The following CSMD1 variants were observed in gnomAD, a reference collection of about 807,000 sequenced individuals.
The protein encoded by CSMD1 is CUB and Sushi multiple domains 1, also known as CUB and sushi domain-containing protein 1.
A neutral mutation model predicts 417.5 loss-of-function variants in CSMD1; 213 were observed. The ratio of observed to expected loss-of-function variants is 0.51; its 90% CI spans 0.46 to 0.57. The LOEUF is 0.57. Ranked by LOEUF, CSMD1 falls within the 20% of genes least tolerant of loss-of-function variation. CSMD1 has a pLI of 0.00. For synonymous variants in CSMD1, 2,862 were observed against 1,736.8 expected, an observed-to-expected ratio of 1.65 and a Z score of -16.11; for missense variants, 6,923 against 4,529.7, an observed-to-expected ratio of 1.53 and a Z score of -15.17.
At chr8:3,315,846 G>T (rs1805717622) in intron 23 of CSMD1, among the ~76,000 whole-genome samples, 1 of 152,246 alleles carries the variant, frequency 6.6e-6, no homozygotes, top group South Asian at 2.1e-4. Flanking sequence ...TCATACCTAA[G>T]AATTTAATGA....
chr8:4,040,673 G>C (rs570754343), intron 3 of CSMD1, among the ~76,000 whole-genome samples: 1 of 152,082 alleles, frequency 6.6e-6, no homozygotes, highest in African/African-American at 2.4e-5. Flanking sequence ...TAAAAAACAT[G>C]TTTCAAGCTC....
chr8:4,024,220 G>C (rs2688275), intron 4 of CSMD1, among the ~76,000 whole-genome samples: 1 of 152,000 alleles, frequency 6.6e-6, no homozygotes, highest in East Asian at 1.9e-4. Flanking sequence ...GGAAACAGAA[G>C]TGATGTAACA....
At chr8:3,228,871 G>C (rs144025354) in intron 27 of CSMD1, among the ~76,000 whole-genome samples, 9 of 151,812 alleles carry the variant, frequency 5.9e-5, no homozygotes, top group Middle Eastern at 3.4e-3. Flanking sequence ...CTTTAAAAAA[G>C]AAACACGCCG....
chr8:2,982,227 G>A (rs1563204061), intron 54 of CSMD1, among the ~76,000 whole-genome samples: 1 of 152,034 alleles, frequency 6.6e-6, no homozygotes, highest in Non-Finnish European at 1.5e-5. Context: ...ATGGTGGCAG[G>A]GGCCTGTAAT....
At chr8:3,507,380 A>C (rs929015096) in intron 10 of CSMD1, among the ~76,000 whole-genome samples, 2 of 152,216 alleles carry the variant, frequency 1.3e-5, no homozygotes, top group Admixed American at 1.3e-4. Flanking sequence ...TATTTGTGCC[A>C]CATTTTCCTA....
intron 3 of CSMD1, among the ~76,000 whole-genome samples, chr8:4,097,237 T>C (rs1801062043): frequency 1.3e-5 from 2 of 152,266 alleles, no homozygotes; most frequent in South Asian, 2.1e-4. Context: ...GTCCCTTTTG[T>C]AGTACAAAGA....
chr8:4,417,646 T>C (rs1020109350), intron 3 of CSMD1, among the ~76,000 whole-genome samples: 1 of 151,990 alleles, frequency 6.6e-6, no homozygotes, highest in South Asian at 2.1e-4. Context: ...ACTTGGTGGG[T>C]CAAATAACAG....
chr8:3,471,395 T>C (rs989256470), intron 11 of CSMD1, among the ~76,000 whole-genome samples: 1 of 152,182 alleles, frequency 6.6e-6, no homozygotes, highest in Non-Finnish European at 1.5e-5. Context: ...ATAGTCAATT[T>C]TGGTTCCACA....
chr8:4,354,956 C>G (rs1801326610), intron 3 of CSMD1, among the ~76,000 whole-genome samples: 8 of 147,348 alleles, frequency 5.4e-5, no homozygotes, highest in Middle Eastern at 3.6e-3. Context: ...CGAATTCCAC[C>G]CAAACCCATG....
intron 3 of CSMD1, among the ~76,000 whole-genome samples, chr8:4,182,064 A>G (rs1798412098): frequency 6.6e-6 from 1 of 151,724 alleles, no homozygotes; most frequent in Admixed American, 6.6e-5. Flanking sequence ...GTGTGTGTAT[A>G]CCTAAATTAG....
intron 26 of CSMD1, among the ~76,000 whole-genome samples, chr8:3,276,733 C>A (rs981218649): frequency 2.0e-5 from 3 of 152,108 alleles, no homozygotes; most frequent in Admixed American, 6.6e-5. Flanking sequence ...AATTACAAAG[C>A]ATATTGTTTA....
chr8:3,892,484 G>C (rs1362649434), intron 5 of CSMD1, among the ~76,000 whole-genome samples: 3 of 152,174 alleles, frequency 2.0e-5, no homozygotes. Flanking sequence ...AGTTCTGCAA[G>C]AGGATCTAAG....
chr8:3,406,171 G>A lies in CSMD1; in HGVS notation c.2122C>T (p.Arg708Cys). 2.5e-6 allele frequency: 4 copies of A among 1,612,878 alleles called. No homozygotes were observed. Among genetic ancestry groups the A allele is most frequent in the Admixed American group, 1.7e-5 (1 of 59,892 alleles). Residue 708 changes from arginine (R) to cysteine (C), a missense_variant, in exon 15 of 70, where the codon CGT (arginine) becomes TGT (cysteine). By Grantham distance (180) the Arg-to-Cys change is radical (BLOSUM62 -3). Transcript: ENST00000635120. ...HDPGIPINGR[R>C]FGDRFLLGSS... ...CCGAGTAGAAACCTGTCACCAAAAC[G>A]TCGTCCGTTTATAGGAATGCCAGGA...
Position 3,979,469 on chromosome 8 carries a change from G to C in CSMD1, c.818+18434C>G, listed in dbSNP as rs140477017. On this transcript the variant is annotated intron_variant, in intron 5 of 69. Coordinates refer to ENST00000635120, the MANE Select transcript of CSMD1 (RefSeq NM_033225.6). ...GCATGCAACTCACAGGATACAGTGT[G>C]TCTTTGGCTTAGAATGTTGTGTCAC... 1.5e-3 allele frequency among the ~76,000 whole-genome samples: 234 copies of C among 152,264 alleles called. 1 individual carries two copies. The highest frequency in any genetic ancestry group is 5.1e-3 in the African/African-American group (212 of 41,548).
At chr8:2,979,719 G>T (rs905995269) in intron 54 of CSMD1, among the ~76,000 whole-genome samples, 4 of 152,200 alleles carry the variant, frequency 2.6e-5, no homozygotes, top group African/African-American at 9.7e-5. Context: ...GCAGAGGGCA[G>T]AATCAAGGCT....
intron 1 of CSMD1, among the ~76,000 whole-genome samples, chr8:4,925,776 T>G (rs1044574607): frequency 6.6e-6 from 1 of 152,174 alleles, no homozygotes; most frequent in African/African-American, 2.4e-5. Flanking sequence ...CTCAAACTCC[T>G]GACCTCGTGA....
chr8:3,000,540 G>C (rs1807310131), intron 52 of CSMD1, among the ~76,000 whole-genome samples: 1 of 152,098 alleles, frequency 6.6e-6, no homozygotes, highest in African/African-American at 2.4e-5. Context: ...ATCGGTGAGG[G>C]GGGCTTCCAG....
intron 11 of CSMD1, among the ~76,000 whole-genome samples, chr8:3,484,153 T>G (rs569435461): frequency 6.6e-6 from 1 of 152,278 alleles, no homozygotes; most frequent in African/African-American, 2.4e-5. Context: ...AACAATAAAG[T>G]GAGAAACATC....
At chr8:3,655,647 A>C (rs768616916) in intron 7 of CSMD1, among the ~76,000 whole-genome samples, 59 of 135,702 alleles carry the variant, frequency 4.3e-4, no homozygotes, top group Non-Finnish European at 8.3e-4. Context: ...AAGATGACTC[A>C]ATGGAGGTTG....
Sources: gnomAD v4.1 joint callset for allele counts (sites outside exome capture counted in the v4.1 genomes callset) on GRCh38, gnomAD v4.1.1 for gene constraint, MANE v1.5 for transcripts, NCBI Gene and HGNC (gene_info 2026-07-23, HGNC 2026-07-21) for gene names.